Variants in CSMD1 observed in about 807,000 individuals in gnomAD.
The protein encoded by CSMD1 is CUB and sushi domain-containing protein 1.
In CSMD1, 213 loss-of-function variants were observed where a neutral mutation model predicts 417.5. The ratio of observed to expected loss-of-function variants is 0.51; its 90% CI spans 0.46 to 0.57. The LOEUF is 0.57. Among genes scored for constraint, CSMD1 ranks in the 20% least tolerant of loss-of-function variants. The pLI is 0.00. For synonymous variants in CSMD1, 2,862 were observed against 1,736.8 expected, an observed-to-expected ratio of 1.65 and a Z score of -16.11; for missense variants, 6,923 against 4,529.7, an observed-to-expected ratio of 1.53 and a Z score of -15.17.
At chr8:3,800,869 G>T (rs1220728526) in intron 5 of CSMD1, among the ~76,000 whole-genome samples, 1 of 152,106 alleles carries the variant, frequency 6.6e-6, no homozygotes, top group East Asian at 1.9e-4. Context: ...CCAGAGACTG[G>T]TGCCATGCTT....
chr8:4,447,896 C>T (rs1008776195), intron 2 of CSMD1, among the ~76,000 whole-genome samples: 6 of 152,094 alleles, frequency 3.9e-5, no homozygotes, highest in Admixed American at 3.3e-4. Context: ...TTTTATTGTT[C>T]GATTACTCAT....
At chr8:4,947,159 CAAAAT>C (rs1808424415) in intron 1 of CSMD1, among the ~76,000 whole-genome samples, 1 of 152,096 alleles carries the variant, frequency 6.6e-6, no homozygotes, top group Non-Finnish European at 1.5e-5. Context: ...AAATTCACAA[CAAAAT>C]AAAACAGAAA....
chr8:4,584,252 C>T (rs528767923), intron 2 of CSMD1, among the ~76,000 whole-genome samples: 3 of 152,018 alleles, frequency 2.0e-5, no homozygotes, highest in Admixed American at 1.3e-4. Flanking sequence ...TTTTGGCGAC[C>T]ACGAAGGGAC....
intron 3 of CSMD1, among the ~76,000 whole-genome samples, chr8:4,279,436 G>C (rs1441865394): frequency 6.6e-6 from 1 of 152,118 alleles, no homozygotes; most frequent in Non-Finnish European, 1.5e-5. Flanking sequence ...TATTGTCCTT[G>C]GATAAGATTC....
At position 3,677,428 on chromosome 8, in the gene CSMD1, A is replaced by T. The variant is rs533034357; in HGVS notation, c.1009+30986T>A. Among the ~76,000 whole-genome samples, 7 of 152,296 alleles carry T rather than the reference A, an allele frequency of 4.6e-5. No homozygotes were observed. In the South Asian group the frequency reaches 1.5e-3, roughly 32 times the overall value. ...GGCCAATGCATGGGAAACAAACCTG[A>T]TCCCACAGTACAGGTTGTCAGGAAA... is the stretch of plus-strand genomic sequence containing the variant. On this transcript the variant is annotated intron_variant, in intron 7 of 69. Coordinates refer to ENST00000635120, the MANE Select transcript of CSMD1 (RefSeq NM_033225.6).
At chr8:3,839,692 G>C (rs1407865759) in intron 5 of CSMD1, among the ~76,000 whole-genome samples, 1 of 149,188 alleles carries the variant, frequency 6.7e-6, no homozygotes, top group Non-Finnish European at 1.5e-5. Context: ...TCATTTGGGA[G>C]CTGTTGTGGA....
intron 3 of CSMD1, among the ~76,000 whole-genome samples, chr8:4,268,276 T>C (rs533798174): frequency 2.4e-3 from 369 of 152,252 alleles, no homozygotes; most frequent in African/African-American, 8.4e-3. Context: ...AGTTTCTATA[T>C]TTGAACAAAA....
intron 5 of CSMD1, among the ~76,000 whole-genome samples, chr8:3,808,790 T>G (rs926643421): frequency 1.4e-4 from 21 of 152,290 alleles, no homozygotes; most frequent in Middle Eastern, 3.4e-3. Flanking sequence ...GTCTCGGAAT[T>G]GGAAAATTTC....
chr8:4,725,870 C>G (rs1422656079), intron 1 of CSMD1, among the ~76,000 whole-genome samples: 4 of 152,140 alleles, frequency 2.6e-5, no homozygotes, highest in East Asian at 1.9e-4. Flanking sequence ...CCTCCGACAT[C>G]TTGTAGACCC....
intron 3 of CSMD1, among the ~76,000 whole-genome samples, chr8:4,112,938 T>C (rs1563139383): frequency 1.3e-5 from 2 of 152,214 alleles, no homozygotes; most frequent in South Asian, 2.1e-4. Context: ...GCTCACTTCA[T>C]CCTTTTGCGT....
At chr8:3,881,254 T>C (rs1170808219) in intron 5 of CSMD1, among the ~76,000 whole-genome samples, 1 of 61,546 alleles carries the variant, frequency 1.6e-5, no homozygotes, top group East Asian at 5.1e-4. Context: ...TTTTGTTTCT[T>C]TGTTTTTTGC....
chr8:4,018,801 G>A (rs767394023), intron 4 of CSMD1, among the ~76,000 whole-genome samples: 10 of 152,164 alleles, frequency 6.6e-5, no homozygotes, highest in Non-Finnish European at 1.3e-4. Flanking sequence ...GTCAAATTCT[G>A]CCTTCCCCAC....
chr8:3,881,088 G>T (rs758678462), intron 5 of CSMD1, among the ~76,000 whole-genome samples: 1 of 152,004 alleles, frequency 6.6e-6, no homozygotes, highest in Non-Finnish European at 1.5e-5. Flanking sequence ...CTGAATGCAC[G>T]AAATCTGAAA....
chr8:4,156,590 G>C (rs537761868), intron 3 of CSMD1, among the ~76,000 whole-genome samples: 1 of 152,094 alleles, frequency 6.6e-6, no homozygotes, highest in East Asian at 1.9e-4. Flanking sequence ...AAAGCATTCA[G>C]TTAGTGACAA....
At chr8:3,157,453 G>A (rs1346499946) in intron 39 of CSMD1, among the ~76,000 whole-genome samples, 1 of 152,186 alleles carries the variant, frequency 6.6e-6, no homozygotes. Flanking sequence ...TCACCAGGCT[G>A]TTTCCAACAT....
At chr8:3,063,101 T>A (rs1812689895) in intron 49 of CSMD1, among the ~76,000 whole-genome samples, 1 of 152,080 alleles carries the variant, frequency 6.6e-6, no homozygotes, top group Non-Finnish European at 1.5e-5. Flanking sequence ...TTAATCAATC[T>A]CGTATCATAA....
At chr8:4,318,564 C>G (rs993083559) in intron 3 of CSMD1, among the ~76,000 whole-genome samples, 5 of 151,946 alleles carry the variant, frequency 3.3e-5, no homozygotes, top group African/African-American at 1.2e-4. Context: ...AGCTTTTACA[C>G]TAAAAAGAAT....
chr8:3,467,052 A>C (rs1373030045), intron 12 of CSMD1, among the ~76,000 whole-genome samples: 2 of 152,184 alleles, frequency 1.3e-5, no homozygotes, highest in African/African-American at 4.8e-5. Flanking sequence ...ATGACATCTC[A>C]TGAAAAGCCA....
At chr8:4,367,564 A>G (rs1354710954) in intron 3 of CSMD1, among the ~76,000 whole-genome samples, 1 of 152,148 alleles carries the variant, frequency 6.6e-6, no homozygotes, top group Non-Finnish European at 1.5e-5. Context: ...CTCCATATAA[A>G]TTTTAGAATG....
Sources: allele counts gnomAD v4.1 joint callset (sites outside exome capture counted in the v4.1 genomes callset), GRCh38; gene constraint gnomAD v4.1.1; transcripts MANE v1.5; gene names NCBI Gene and HGNC (gene_info 2026-07-23, HGNC 2026-07-21).